FANCC: variants seen among roughly 807,000 people sequenced by gnomAD.
The protein encoded by FANCC is FA complementation group C, also known as Fanconi anemia group C protein.
Under a neutral mutation model 71.3 loss-of-function variants are expected in FANCC, and 55 were observed. The ratio of observed to expected loss-of-function variants is 0.77; its 90% confidence interval spans 0.62 to 0.97. FANCC has a LOEUF of 0.97. Among genes scored for constraint, FANCC ranks in the 50% least tolerant of loss-of-function variants. FANCC has a pLI of 0.00. For synonymous variants in FANCC, 275 were observed against 244.9 expected (o/e 1.12, Z -1.15); for missense variants, 678 against 670.9 (o/e 1.01, Z -0.12).
chr9:95,205,954 A>C (rs1243155891), intron 4 of FANCC, among the ~76,000 whole-genome samples: 2 of 152,210 alleles, frequency 1.3e-5, no homozygotes, highest in Non-Finnish European at 2.9e-5. Flanking sequence ...TCAATTTACC[A>C]GGACTTATAA....
At chr9:95,177,144 G>A (rs1053960100) in intron 4 of FANCC, among the ~76,000 whole-genome samples, 5 of 152,200 alleles carry the variant, frequency 3.3e-5, no homozygotes, top group Non-Finnish European at 7.3e-5. Flanking sequence ...GTACTTACAT[G>A]AACCCAGATG....
chr9:95,192,562 T>C (rs1387716213), intron 4 of FANCC, among the ~76,000 whole-genome samples: 1 of 152,204 alleles, frequency 6.6e-6, no homozygotes, highest in East Asian at 1.9e-4. Flanking sequence ...GAACAAACTA[T>C]AGAACACCAT....
intron 4 of FANCC, among the ~76,000 whole-genome samples, chr9:95,225,923 A>G (rs897790265): frequency 6.6e-6 from 1 of 152,224 alleles, no homozygotes; most frequent in Non-Finnish European, 1.5e-5. Context: ...AAACATGCAC[A>G]TATAGAGACA....
At position 95,099,163 on chromosome 9, in the gene FANCC, C is replaced by T. The variant is rs1401075996; in HGVS notation, c.*2544G>A. 2 of 216,966 alleles carry T rather than the reference C, an allele frequency of 9.2e-6. No individual in the cohort carries two copies. Among genetic ancestry groups the T allele is most frequent in the Non-Finnish European group, 1.9e-5 (2 of 108,008 alleles). The allele number at this position is 216,966 out of a possible 1,614,324, so 13.4% of individuals were successfully genotyped here. ...TCACGGAGTCCAGGGGAATAACAGC[C>T]TGGTTGGAGGGGCGCTCTCCGCCTC... On this transcript the variant is annotated 3_prime_UTR_variant, in exon 15 of 15. Coordinates refer to ENST00000289081, the MANE Select transcript of FANCC (RefSeq NM_000136.3).
chr9:95,101,602 C>A lies in FANCC; in HGVS notation c.*105G>T. ...TGTACAGCTCATTCTCACAGCCCAG[C>A]GAGGGCACTTACTCCACAAATGCGT... is the stretch of plus-strand genomic sequence containing the variant. On this transcript the variant is annotated 3_prime_UTR_variant, in exon 15 of 15. Coordinates refer to ENST00000289081, the MANE Select transcript of FANCC (RefSeq NM_000136.3). 7.2e-7 allele frequency: 1 copy of A among 1,382,722 alleles called. No homozygotes were observed. The allele number at this position is 1,382,722 out of a possible 1,614,324, so 85.7% of individuals were successfully genotyped here.
At chr9:95,185,426 T>C (rs993203262) in intron 4 of FANCC, among the ~76,000 whole-genome samples, 7 of 152,242 alleles carry the variant, frequency 4.6e-5, no homozygotes, top group African/African-American at 1.4e-4. Context: ...GAAGTAATAA[T>C]GAATGGTTGG....
intron 3 of FANCC, among the ~76,000 whole-genome samples, chr9:95,244,765 T>C (rs1588345297): frequency 6.9e-6 from 1 of 145,706 alleles, no homozygotes; most frequent in East Asian, 2.0e-4. Context: ...CAAGTGAAGC[T>C]GGCTAGTGGG....
chr9:95,249,084 CT>C, intron 2 of FANCC, 42 bp downstream of exon 2: 1 of 1,604,950 alleles, frequency 6.2e-7, no homozygotes, highest in Non-Finnish European at 8.5e-7. Flanking sequence ...GGTAGAGTCC[CT>C]GAAGTCAGAA....
intron 1 of FANCC, among the ~76,000 whole-genome samples, chr9:95,303,807 G>A (rs79558313): frequency 0.011 from 1,658 of 152,264 alleles, 42 homozygotes; most frequent in African/African-American, 0.038. Flanking sequence ...TATGAATGGG[G>A]GAGGGGTGGA....
At chr9:95,259,375 C>T (rs575573710) in intron 1 of FANCC, among the ~76,000 whole-genome samples, 2 of 152,304 alleles carry the variant, frequency 1.3e-5, no homozygotes, top group South Asian at 4.1e-4. Flanking sequence ...ACAGAGGCCT[C>T]AGAAATAACG....
chr9:95,165,211 A>C (rs953023624), intron 6 of FANCC, among the ~76,000 whole-genome samples: 1 of 151,278 alleles, frequency 6.6e-6, no homozygotes, highest in African/African-American at 2.4e-5. Context: ...TCTTTACAAA[A>C]ACCCAACTCT....
chr9:95,115,640 A>G (rs1293379739), intron 11 of FANCC, among the ~76,000 whole-genome samples: 1 of 152,242 alleles, frequency 6.6e-6, no homozygotes, highest in African/African-American at 2.4e-5. Flanking sequence ...AGCATCTGCA[A>G]AAGTTTTCAC....
intron 1 of FANCC, among the ~76,000 whole-genome samples, chr9:95,273,895 A>G (rs2136229949): frequency 6.6e-6 from 1 of 152,286 alleles, no homozygotes; most frequent in Middle Eastern, 3.4e-3. Context: ...AATGATTGGC[A>G]TATGCATAGA....
chr9:95,165,713 C>T (rs1831025840), intron 6 of FANCC, among the ~76,000 whole-genome samples: 1 of 152,014 alleles, frequency 6.6e-6, no homozygotes. Context: ...GTCTTTCCTA[C>T]AGAATGTTCT....
chr9:95,307,027 G>A (rs1308519736), intron 1 of FANCC, among the ~76,000 whole-genome samples: 1 of 152,108 alleles, frequency 6.6e-6, no homozygotes, highest in East Asian at 1.9e-4. Flanking sequence ...TGGGTCTACA[G>A]TTGCATGTCA....
chr9:95,303,081 C>T (rs1408021077), intron 1 of FANCC, among the ~76,000 whole-genome samples: 1 of 152,178 alleles, frequency 6.6e-6, no homozygotes, highest in African/African-American at 2.4e-5. Flanking sequence ...TACGGTTGTA[C>T]AGCCAGACTT....
intron 13 of FANCC, chr9:95,110,954 T>G: frequency 7.2e-7 from 1 of 1,383,994 alleles, no homozygotes; most frequent in Non-Finnish European, 9.3e-7. Context: ...GTGGTTAATA[T>G]CATCTGATTA....
At chr9:95,292,156 C>A (rs1224924425) in intron 1 of FANCC, among the ~76,000 whole-genome samples, 1 of 149,460 alleles carries the variant, frequency 6.7e-6, no homozygotes, top group Non-Finnish European at 1.5e-5. Flanking sequence ...AACACACTTA[C>A]AGTCAACTGA....
chr9:95,151,323 T>C (rs575677617), intron 6 of FANCC, among the ~76,000 whole-genome samples: 1 of 152,118 alleles, frequency 6.6e-6, no homozygotes, highest in Non-Finnish European at 1.5e-5. Flanking sequence ...CAAATCCGTC[T>C]CCAGTGAATG....
Sources: allele counts gnomAD v4.1 joint callset (sites outside exome capture counted in the v4.1 genomes callset), GRCh38; gene constraint gnomAD v4.1.1; transcripts MANE v1.5; gene names NCBI Gene and HGNC (gene_info 2026-07-23, HGNC 2026-07-21).